The following GPAT3 variants were observed in gnomAD, a reference collection of about 807,000 sequenced individuals.
GPAT3 encodes the protein glycerol-3-phosphate acyltransferase 3.
In GPAT3, 53 loss-of-function variants were observed where a neutral mutation model predicts 58.8. The ratio of observed to expected loss-of-function variants is 0.90; its 90% CI spans 0.72 to 1.13. The LOEUF (loss-of-function observed/expected upper bound fraction) is 1.13, where lower values mean the gene tolerates loss of function less well. Ranked by LOEUF, GPAT3 falls within the 50% of genes most tolerant of loss-of-function variation. The pLI is 0.00. For missense variants in GPAT3, 511 were observed against 527.6 expected, an observed-to-expected ratio of 0.97 and a Z score of 0.31; for synonymous variants, 197 against 187.4, an observed-to-expected ratio of 1.05 and a Z score of -0.42.
At chr4:83,592,206 A>G (rs762913774) in intron 6 of GPAT3, among the ~76,000 whole-genome samples, 36 of 152,178 alleles carry the variant, frequency 2.4e-4, no homozygotes, top group Non-Finnish European at 4.1e-4. Context: ...CTTTGTTGGC[A>G]TTTTCTTTAC....
At chr4:83,599,516 A>C (rs1029950164) in intron 11 of GPAT3, among the ~76,000 whole-genome samples, 1 of 152,108 alleles carries the variant, frequency 6.6e-6, no homozygotes, top group Non-Finnish European at 1.5e-5. Flanking sequence ...CCTATCTCAC[A>C]TTTAGGGTTC....
intron 2 of GPAT3, among the ~76,000 whole-genome samples, chr4:83,548,166 G>A (rs1247003598): frequency 1.3e-5 from 2 of 152,178 alleles, no homozygotes; most frequent in South Asian, 2.1e-4. Flanking sequence ...AGAAGGCTAG[G>A]ACAAGAAAAT....
Position 83,586,378 on chromosome 4 carries a change from G to A in GPAT3, c.480-877G>A, listed in dbSNP as rs1053523144. 2.0e-5 allele frequency among the ~76,000 whole-genome samples: 3 copies of A among 152,150 alleles called. No homozygotes were observed. In the East Asian group the frequency reaches 5.8e-4, roughly 29 times the overall value. On this transcript the variant is annotated intron_variant, in intron 3 of 11. Coordinates refer to ENST00000264409, the MANE Select transcript of GPAT3 (RefSeq NM_032717.5). Reference sequence around the variant, plus strand: ...ACAGGGTCCTTCTGATACTGCAGGGGTGGTCCCCTTCAGTCTGCTTATTGA... The same window carrying A: ...ACAGGGTCCTTCTGATACTGCAGGGATGGTCCCCTTCAGTCTGCTTATTGA...
At chr4:83,579,083 C>T (rs6842051) in intron 2 of GPAT3, among the ~76,000 whole-genome samples, 3,538 of 47,718 alleles carry the variant, frequency 0.074, 400 homozygotes, top group African/African-American at 0.14. Flanking sequence ...TCTTTCTTCC[C>T]TTCCTTCCTT....
intron 2 of GPAT3, among the ~76,000 whole-genome samples, chr4:83,553,879 A>AAAAT (rs954920017): frequency 2.0e-5 from 3 of 152,060 alleles, no homozygotes; most frequent in African/African-American, 7.2e-5. Flanking sequence ...CCTGTCTCAA[A>AAAAT]AAATAAATAA....
Position 83,594,943 on chromosome 4 carries a change from A to T in GPAT3, c.837A>T (p.Arg279=). 6.2e-7 allele frequency: 1 copy of T among 1,613,792 alleles called. No individual in the cohort carries two copies. Residue 279 remains arginine (R), a synonymous_variant, in exon 7 of 12, where the codon CGA becomes CGT. Coordinates refer to ENST00000264409, the MANE Select transcript of GPAT3 (RefSeq NM_032717.5). ...TTGAACGCTCAGAAATGAAGGATCG[A>T]CACCTGGTTACTAAGAGGTAAGCAG... is the stretch of plus-strand genomic sequence containing the variant. ...VWFERSEMKD[R]HLVTKRLKEH...
At chr4:83,553,750 A>T (rs1042208073) in intron 2 of GPAT3, among the ~76,000 whole-genome samples, 2 of 151,976 alleles carry the variant, frequency 1.3e-5, no homozygotes, top group African/African-American at 4.8e-5. Flanking sequence ...ACTACAAAAA[A>T]TAGTCAGACA....
rs749485824 is a variant in GPAT3 at position 83,598,626 on chromosome 4, T to G, written c.1126-18T>G. On this transcript the variant is annotated intron_variant, in intron 10 of 11. Transcript: ENST00000264409. ...GATAACTAAGATATTCTTGCAATTT[T>G]TTTTTTTTTTAAACCAGGAAGGAGA... 22 of 1,596,228 alleles carry G rather than the reference T, an allele frequency of 1.4e-5. No homozygotes were observed. The African/African-American group carries it at 2.5e-4, about 18-fold the overall frequency.
At chr4:83,592,979 G>A (rs1726660847) in intron 6 of GPAT3, among the ~76,000 whole-genome samples, 1 of 151,316 alleles carries the variant, frequency 6.6e-6, no homozygotes, top group Non-Finnish European at 1.5e-5. Context: ...TGATTCTCCT[G>A]CCTTAGCCTC....
intron 2 of GPAT3, among the ~76,000 whole-genome samples, chr4:83,576,637 A>G (rs1725830965): frequency 6.6e-6 from 1 of 151,746 alleles, no homozygotes; most frequent in Non-Finnish European, 1.5e-5. Context: ...TAGAGATGGG[A>G]TTTCGCATGT....
intron 1 of GPAT3, among the ~76,000 whole-genome samples, chr4:83,537,222 A>G (rs572680430): frequency 6.6e-6 from 1 of 152,330 alleles, no homozygotes; most frequent in Admixed American, 6.5e-5. Flanking sequence ...GCCCAAGATA[A>G]GAGACCAATT....
chr4:83,590,151 T>C, intron 5 of GPAT3, 48 bp from the exon 6 acceptor site: 1 of 1,523,830 alleles, frequency 6.6e-7, no homozygotes, highest in Admixed American at 1.7e-5. Context: ...ATTTACATGC[T>C]GTGGCTATTT....
chr4:83,546,360 G>A (rs1182964968), intron 2 of GPAT3, among the ~76,000 whole-genome samples: 1 of 149,706 alleles, frequency 6.7e-6, no homozygotes, highest in African/African-American at 2.5e-5. Context: ...AGATGAGAGG[G>A]TCTAGTAGCG....
chr4:83,553,205 T>C (rs1291763767), intron 2 of GPAT3, among the ~76,000 whole-genome samples: 1 of 152,084 alleles, frequency 6.6e-6, no homozygotes, highest in Non-Finnish European at 1.5e-5. Context: ...AATGAGAAGG[T>C]AAAAGGTCAG....
chr4:83,553,065 C>T (rs1314723723), intron 2 of GPAT3, among the ~76,000 whole-genome samples: 1 of 152,212 alleles, frequency 6.6e-6, no homozygotes, highest in African/African-American at 2.4e-5. Context: ...TTGTAAGCTA[C>T]CCAGGCTATG....
chr4:83,536,819 G>A (rs2110065799), intron 1 of GPAT3, 56 bp downstream of exon 1: 1 of 1,530,670 alleles, frequency 6.5e-7, no homozygotes, highest in South Asian at 1.2e-5. Flanking sequence ...GAGAACCCGG[G>A]GGTCCAGTTC....
At chr4:83,597,915 TA>T in intron 9 of GPAT3, 135 bp from the exon 10 acceptor site, 1 of 1,014,878 alleles carries the variant, frequency 9.9e-7, no homozygotes, top group Non-Finnish European at 1.4e-6. Flanking sequence ...TTTTTTTTGA[TA>T]AATTCCATCA....
At chr4:83,535,841 A>G, upstream of GPAT3, 1 of 985,488 alleles carries the variant, frequency 1.0e-6, no homozygotes, top group Non-Finnish European at 1.2e-6. Context: ...TTACACCCAC[A>G]CAAACAAGAC....
At chr4:83,579,758 G>A (rs933217856) in intron 2 of GPAT3, among the ~76,000 whole-genome samples, 15 of 152,142 alleles carry the variant, frequency 9.9e-5, no homozygotes, top group Non-Finnish European at 1.8e-4. Flanking sequence ...CATGGAGCTG[G>A]TGGTTGTCCT....
Sources: allele counts gnomAD v4.1 joint callset (sites outside exome capture counted in the v4.1 genomes callset), GRCh38; gene constraint gnomAD v4.1.1; transcripts MANE v1.5; gene names NCBI Gene and HGNC (gene_info 2026-07-23, HGNC 2026-07-21).